The following ESPL1 variants were observed in gnomAD, a reference collection of about 807,000 sequenced individuals.
The protein encoded by ESPL1 is separin.
Under a neutral mutation model 217.2 loss-of-function variants are expected in ESPL1, and 50 were observed. The observed-to-expected ratio is 0.23, with a 90% CI of 0.18 to 0.29. The LOEUF is 0.29. Ranked by LOEUF, ESPL1 falls within the 10% of genes least tolerant of loss-of-function variation. ESPL1 has a pLI of 1.00. For synonymous variants in ESPL1, 994 were observed against 1,081.3 expected (o/e 0.92, Z 1.58); for missense variants, 1,834 against 2,603.0 (o/e 0.70, Z 6.43).
chr12:53,293,108 C>T lies in ESPL1; in HGVS notation c.6161+138C>T. ...TAGTTAGTTCCCTGGCATGCCTGGA[C>T]CATTAACCCTTAGCTCCCTTCTGTT... On this transcript the variant is annotated intron_variant, in intron 30 of 30. Coordinates refer to ENST00000257934, the MANE Select transcript of ESPL1 (RefSeq NM_012291.5). This position sits in a 1 kb window ranked among gnomAD's most constrained non-coding sequence, Gnocchi z 4.2. 2.0e-6 allele frequency: 2 copies of T among 987,028 alleles called. No homozygotes were observed. The highest frequency in any genetic ancestry group is 3.0e-6 in the Non-Finnish European group (2 of 662,222). The allele number at this position is 987,028 out of a possible 1,614,324, so 61.1% of individuals were successfully genotyped here.
chr12:53,290,036 G>A lies in ESPL1; in HGVS notation c.5114-49G>A, dbSNP rs778716031. On this transcript the variant is annotated intron_variant, in intron 22 of 30. Coordinates refer to ENST00000257934, the MANE Select transcript of ESPL1 (RefSeq NM_012291.5). ...GGAATTGAGTGCCCAAGACAGGGAAGGGAATTCCTTTAACAGCTGAATGAG... is the reference window on the plus strand; with the variant it reads ...GGAATTGAGTGCCCAAGACAGGGAAAGGAATTCCTTTAACAGCTGAATGAG... The A allele has an allele frequency of 1.0e-5, 16 of 1,590,906 alleles. No homozygotes were observed. The African/African-American group carries it at 1.1e-4, about 11-fold the overall frequency.
At chr12:53,275,138 A>G (rs1943743959) in intron 7 of ESPL1, 128 bp downstream of exon 7, 1 of 681,126 alleles carries the variant, frequency 1.5e-6, no homozygotes, top group African/African-American at 1.8e-5. Context: ...CGTCTCTACT[A>G]CAAATACAAA....
rs1943633113 is a variant in ESPL1 at position 53,269,651 on chromosome 12, G to A, written c.709G>A (p.Gly237Arg). Residue 237 changes from glycine to arginine, a missense_variant, in exon 3 of 31, where the codon GGG becomes AGG. Transcript: ENST00000257934. This position sits in a 1 kb window ranked among gnomAD's most constrained non-coding sequence, Gnocchi z 6.7. ...HVIRALVGERGSSSGLLSPQR... is the reference protein window; with the variant it reads ...HVIRALVGERRSSSGLLSPQR... ...GATCAGAGCCTTGGTGGGTGAGAGA[G>A]GGAGCTCTTCTGGGCTTCTTTCTCC... 6.2e-7 allele frequency: 1 copy of A among 1,614,202 alleles called. No homozygotes were observed. Among genetic ancestry groups the A allele is most frequent in the Non-Finnish European group, 8.5e-7 (1 of 1,180,036 alleles).
At chr12:53,283,001 A>C in intron 14 of ESPL1, 128 bp from the exon 15 acceptor site, 3 of 1,216,002 alleles carry the variant, frequency 2.5e-6, no homozygotes, top group Non-Finnish European at 3.5e-6. Context: ...GGAAGGAGTT[A>C]TGAGATTGAT....
At chr12:53,270,861 A>G in intron 5 of ESPL1, 63 bp downstream of exon 5, 1 of 1,587,256 alleles carries the variant, frequency 6.3e-7, no homozygotes, top group South Asian at 1.1e-5. Flanking sequence ...AGGCAGGTGA[A>G]TAGTACTTGC....
rs1366819226 is a variant in ESPL1, at chr12:53,277,070, C to A, written c.1941-13C>A. 6 of 1,609,932 alleles carry A rather than the reference C, an allele frequency of 3.7e-6. No individual in the cohort carries two copies. In the Middle Eastern group the frequency reaches 1.0e-3, roughly 267 times the overall value. ...CATAGTAGGCCCAGCTTAAGCACAT[C>A]TTCTCCCTGCAGCTCTGCTCTGGAT... On this transcript the variant is annotated splice_polypyrimidine_tract_variant and intron_variant, in intron 8 of 30. Coordinates refer to ENST00000257934, the MANE Select transcript of ESPL1 (RefSeq NM_012291.5).
chr12:53,272,710 C>T lies in ESPL1; in HGVS notation c.1370-11C>T. 4 of 1,612,434 alleles carry T rather than the reference C, an allele frequency of 2.5e-6. No homozygotes were observed. The highest frequency in any genetic ancestry group is 3.4e-6 in the Non-Finnish European group (4 of 1,179,594). On this transcript the variant is annotated splice_polypyrimidine_tract_variant and intron_variant, in intron 5 of 30. Coordinates refer to ENST00000257934, the MANE Select transcript of ESPL1 (RefSeq NM_012291.5). ...TTTCCTATGGTCAATTGTGCCTTTTCTCCCCTGCAGCTTCTTACACCAGTA... is the reference window on the plus strand; with the variant it reads ...TTTCCTATGGTCAATTGTGCCTTTTTTCCCCTGCAGCTTCTTACACCAGTA...
Position 53,288,097 on chromosome 12 carries a change from A to G in ESPL1, c.4302A>G (p.Leu1434=), listed in dbSNP as rs1943982472. 1 of 1,613,522 alleles carries G rather than the reference A, an allele frequency of 6.2e-7. No homozygotes were observed. ...GGCGAGCAAGGAAGGGCCTGAGCCT[A>G]AAGACGGATGCCGTGGTTGCCCCAG... ...GRGRARKGLS[L]KTDAVVAPGS... The change falls in exon 19 of 31, where the codon CTA becomes CTG. Residue 1434 remains leucine (L), a synonymous_variant. Transcript: ENST00000257934.
In ESPL1 at chr12:53,289,259, C is replaced by T. The variant is rs745621055; in HGVS notation, c.4878C>T (p.Ile1626=). Residue 1626 remains isoleucine (I), a synonymous_variant, in exon 21 of 31, where the codon ATC becomes ATT. Transcript: ENST00000257934. ...TAFLVTESVS[I]TCRHQLLTHL... is the part of the protein sequence containing the mutation. ...TCCTTGTCACCGAGTCTGTCTCCAT[C>T]ACCTGTCGCCACCAGCTGCTCACCC... 3.7e-6 allele frequency: 6 copies of T among 1,612,086 alleles called. No homozygotes were observed. The highest frequency in any genetic ancestry group is 4.5e-5 in the East Asian group (2 of 44,906).
intron 5 of ESPL1, 143 bp downstream of exon 5, chr12:53,270,941 C>T: frequency 1.2e-6 from 1 of 823,832 alleles, no homozygotes; most frequent in Non-Finnish European, 1.9e-6. Context: ...TTTATAAGTA[C>T]CAGCTACTCT....
intron 15 of ESPL1, 32 bp from the exon 16 acceptor site, chr12:53,283,350 G>T (rs1301364404): frequency 6.2e-7 from 1 of 1,613,424 alleles, no homozygotes; most frequent in Non-Finnish European, 8.5e-7. Context: ...CACTGTGGCT[G>T]AGTGATGGTG....
In ESPL1 at chr12:53,293,408, T is replaced by A. The variant is rs370035865; in HGVS notation, c.6297T>A (p.Ala2099=). Residue 2099 remains alanine, a synonymous_variant, in exon 31 of 31, where the codon GCT becomes GCA. Transcript: ENST00000257934. The surrounding 1 kb of genome is among the most constrained non-coding windows in gnomAD (Gnocchi z 4.2). ...ACTATGTAAACCAGGCCCGCCAAGC[T>A]CCCCGACTCAAGTATCTTATTGGGG... The part of the protein sequence containing the change: ...LLYYVNQARQ[A]PRLKYLIGAA... 1.2e-6 allele frequency: 2 copies of A among 1,613,974 alleles called. No homozygotes were observed. The highest frequency in any genetic ancestry group is 2.7e-5 in the African/African-American group (2 of 74,892).
chr12:53,287,536 T>G (rs1343234026), intron 18 of ESPL1: 1 of 155,270 alleles, frequency 6.4e-6, no homozygotes, highest in African/African-American at 2.4e-5. Flanking sequence ...AGCTTATTTA[T>G]GTATTTTTAG....
intron 1 of ESPL1, 50 bp downstream of exon 1, chr12:53,268,427 G>A (rs568609502): frequency 3.4e-6 from 1 of 293,566 alleles, no homozygotes; most frequent in Non-Finnish European, 6.4e-6. Flanking sequence ...AAGTGAAGGG[G>A]ATCCCCAGCG....
intron 25 of ESPL1, 65 bp downstream of exon 25, chr12:53,291,061 G>C: frequency 1.4e-6 from 2 of 1,416,384 alleles, no homozygotes. Flanking sequence ...CCAGCACTTT[G>C]GGAGGCCAAG....
chr12:53,277,418 C>T (rs911326216), intron 9 of ESPL1, 52 bp from the exon 10 acceptor site: 48 of 1,586,476 alleles, frequency 3.0e-5, no homozygotes, highest in African/African-American at 9.4e-5. Flanking sequence ...GTAGCCAGGA[C>T]GATAGGCCCA....
chr12:53,268,709 G>T (rs1221633287), intron 1 of ESPL1, 46 bp from the exon 2 acceptor site: 1 of 1,192,936 alleles, frequency 8.4e-7, no homozygotes, highest in Non-Finnish European at 1.2e-6. Flanking sequence ...CCTTCCTCCA[G>T]TTAGCTTCAT....
At chr12:53,290,764 C>A (rs1201254110) in intron 24 of ESPL1, 77 bp from the exon 25 acceptor site, 1 of 521,550 alleles carries the variant, frequency 1.9e-6, no homozygotes, top group Non-Finnish European at 2.3e-6. Flanking sequence ...CGCATTTTCT[C>A]ATCTCCAAAA....
chr12:53,290,313 A>G, intron 23 of ESPL1, 34 bp from the exon 24 acceptor site: 1 of 1,611,086 alleles, frequency 6.2e-7, no homozygotes, highest in South Asian at 1.1e-5. Context: ...GATCACGTGG[A>G]CAAGCAGAGC....
Sources: gnomAD v4.1 joint callset for allele counts on GRCh38, gnomAD v4.1.1 for gene constraint, Gnocchi (gnomAD v3.1) non-coding constraint, MANE v1.5 for transcripts, NCBI Gene and HGNC (gene_info 2026-07-23, HGNC 2026-07-21) for gene names.